The following RAD51B variants were observed in gnomAD, a reference collection of about 807,000 sequenced individuals.
RAD51B encodes the protein RAD51 paralog B.
A neutral mutation model predicts 42.2 loss-of-function variants in RAD51B; 38 were observed. The ratio of observed to expected loss-of-function variants is 0.90; its 90% confidence interval spans 0.70 to 1.18. The LOEUF is 1.18. Ranked by LOEUF, RAD51B falls within the 50% of genes most tolerant of loss-of-function variation. The pLI, the probability that RAD51B is intolerant of heterozygous loss-of-function variation, is 0.00. For missense variants in RAD51B, 373 were observed against 400.7 expected (o/e 0.93, Z 0.59); for synonymous variants, 154 against 145.2 (o/e 1.06, Z -0.43).
chr14:68,345,512 C>T (rs780786674), intron 8 of RAD51B, among the ~76,000 whole-genome samples: 20 of 152,114 alleles, frequency 1.3e-4, no homozygotes, highest in Non-Finnish European at 2.8e-4. Flanking sequence ...CTACTCTCAA[C>T]TTGTGACATG....
intron 9 of RAD51B, among the ~76,000 whole-genome samples, chr14:68,412,532 AG>A (rs2084447445): frequency 6.6e-6 from 1 of 152,254 alleles, no homozygotes; most frequent in South Asian, 2.1e-4. Context: ...CATCAAAAAC[AG>A]GCGTGAGCTA....
intron 10 of RAD51B, among the ~76,000 whole-genome samples, chr14:68,502,933 A>G (rs1056592080): frequency 6.6e-6 from 1 of 152,152 alleles, no homozygotes; most frequent in African/African-American, 2.4e-5. Context: ...GGCTAGATCC[A>G]GGGTGATGTG....
chr14:68,166,470 TG>T (rs1168533849), intron 7 of RAD51B, among the ~76,000 whole-genome samples: 1 of 152,160 alleles, frequency 6.6e-6, no homozygotes, highest in Non-Finnish European at 1.5e-5. Flanking sequence ...AAAAAATTGA[TG>T]GTTTGGCTTT....
rs1182578521 is a variant in RAD51B, at chr14:67,885,857, T to C, written c.453-12T>C. The stretch of plus-strand genomic sequence containing the variant: ...TGACTGTTTTCGTTTGTGCTATTTT[T>C]TTCACCCACAGACTGGTTGAAATAG... On this transcript the variant is annotated splice_polypyrimidine_tract_variant and intron_variant, in intron 5 of 10. Coordinates refer to ENST00000471583, the MANE Select transcript of RAD51B (RefSeq NM_133510.4). 1.3e-6 allele frequency: 2 copies of C among 1,580,868 alleles called. No homozygotes were observed. The highest frequency in any genetic ancestry group is 1.2e-5 in the South Asian group (1 of 86,304).
At chr14:68,677,957 C>T (rs1222032321) in intron 11 of RAD51B, among the ~76,000 whole-genome samples, 1 of 152,210 alleles carries the variant, frequency 6.6e-6, no homozygotes, top group African/African-American at 2.4e-5. Context: ...TCCACCTCCA[C>T]CTCCATAGTG....
rs543183196 is a variant in RAD51B at position 68,673,637 on chromosome 14, T to C, written c.*11+22781T>C. ...CACGTACACATACTGTGCACACACATATGTATACATGCACACACATACACA... is the reference window on the plus strand; with the variant it reads ...CACGTACACATACTGTGCACACACACATGTATACATGCACACACATACACA... On this transcript the variant is annotated intron_variant, in intron 11 of 11. Coordinates refer to the RAD51B transcript ENST00000488612. Among the ~76,000 whole-genome samples, 333 of 141,708 alleles carry C rather than the reference T, an allele frequency of 2.3e-3. 2 individuals carry two copies. Among genetic ancestry groups the C allele is most frequent in the African/African-American group, 9.2e-3 (315 of 34,374 alleles). The allele number at this position is 141,708 out of a possible 152,430, so 93.0% of individuals were successfully genotyped here. A position where few individuals can be genotyped will look rare whatever the true frequency, so the allele number is the denominator to read the frequency against.
At chr14:67,926,968 C>A (rs1176399452) in intron 7 of RAD51B, among the ~76,000 whole-genome samples, 1 of 152,094 alleles carries the variant, frequency 6.6e-6, no homozygotes, top group Admixed American at 6.5e-5. Flanking sequence ...ATTGTGAAAA[C>A]CTTCAGTAAC....
chr14:67,961,988 A>G (rs1284378923), intron 7 of RAD51B, among the ~76,000 whole-genome samples: 1 of 152,208 alleles, frequency 6.6e-6, no homozygotes, highest in Non-Finnish European at 1.5e-5. Context: ...GTACCTACAA[A>G]TAACATCTTA....
chr14:67,918,212 A>C (rs998580911), intron 7 of RAD51B, among the ~76,000 whole-genome samples: 1 of 152,092 alleles, frequency 6.6e-6, no homozygotes, highest in Admixed American at 6.6e-5. Flanking sequence ...AGAGAGATCA[A>C]AGAAAAGGGA....
intron 7 of RAD51B, among the ~76,000 whole-genome samples, chr14:67,905,978 C>A (rs759630534): frequency 3.3e-5 from 5 of 152,112 alleles, no homozygotes; most frequent in Admixed American, 1.3e-4. Flanking sequence ...TGTTCCAGGT[C>A]TCAAGGGGAA....
intron 7 of RAD51B, among the ~76,000 whole-genome samples, chr14:67,892,483 A>G (rs1307280903): frequency 2.6e-5 from 4 of 152,206 alleles, no homozygotes; most frequent in Non-Finnish European, 5.9e-5. Context: ...TAGGTTATGC[A>G]GGCAAGGGTT....
At chr14:68,677,448 C>G (rs1332079993) in intron 11 of RAD51B, among the ~76,000 whole-genome samples, 1 of 152,232 alleles carries the variant, frequency 6.6e-6, no homozygotes, top group Admixed American at 6.5e-5. Flanking sequence ...CCAAGCCCCT[C>G]TCCTTTAGAT....
At chr14:68,128,210 C>A (rs750000160) in intron 7 of RAD51B, among the ~76,000 whole-genome samples, 15 of 152,150 alleles carry the variant, frequency 9.9e-5, no homozygotes, top group Non-Finnish European at 1.8e-4. Context: ...TTTGGAAGAT[C>A]AAACTTCATT....
chr14:67,882,718 C>A (rs1300591850), intron 5 of RAD51B, among the ~76,000 whole-genome samples: 1 of 152,066 alleles, frequency 6.6e-6, no homozygotes, highest in Non-Finnish European at 1.5e-5. Flanking sequence ...TTCCATTCTT[C>A]TAGACACTCA....
intron 8 of RAD51B, among the ~76,000 whole-genome samples, chr14:68,359,375 AT>A (rs1007779984): frequency 6.6e-6 from 1 of 151,356 alleles, no homozygotes; most frequent in African/African-American, 2.4e-5. Context: ...CAAGTAGGGC[AT>A]TTTTTTGGTT....
At chr14:68,467,168 T>G (rs2086006932) in intron 9 of RAD51B, among the ~76,000 whole-genome samples, 1 of 152,232 alleles carries the variant, frequency 6.6e-6, no homozygotes. Flanking sequence ...CTACTAATTA[T>G]TAGAGGTTCT....
chr14:68,231,562 C>T (rs2080149998), intron 7 of RAD51B, among the ~76,000 whole-genome samples: 1 of 152,204 alleles, frequency 6.6e-6, no homozygotes, highest in Non-Finnish European at 1.5e-5. Context: ...AGCCCCCTCC[C>T]AACCATGCCA....
At chr14:68,564,232 T>C (rs1189080749) in intron 10 of RAD51B, among the ~76,000 whole-genome samples, 2 of 152,252 alleles carry the variant, frequency 1.3e-5, no homozygotes, top group Non-Finnish European at 2.9e-5. Context: ...GAAGAGAGGC[T>C]CTCTGCGGCC....
At chr14:67,864,672 C>A in intron 4 of RAD51B, 2 of 373,958 alleles carry the variant, frequency 5.3e-6, no homozygotes, top group Non-Finnish European at 5.3e-6. Flanking sequence ...TATAGAATGC[C>A]AAGTTATGAT....
Sources: allele counts gnomAD v4.1 joint callset (sites outside exome capture counted in the v4.1 genomes callset), GRCh38; gene constraint gnomAD v4.1.1; transcripts MANE v1.5; gene names NCBI Gene and HGNC (gene_info 2026-07-23, HGNC 2026-07-21).